The following PCDH15 variants were observed in gnomAD, a reference collection of about 807,000 sequenced individuals.
PCDH15 encodes the protein protocadherin-15.
Under a neutral mutation model 178.5 loss-of-function variants are expected in PCDH15, and 129 were observed. The observed-to-expected ratio is 0.72, with a 90% confidence interval of 0.63 to 0.84. The LOEUF (loss-of-function observed/expected upper bound fraction) is 0.84, where lower values mean the gene tolerates loss of function less well. PCDH15 is among the 40% of genes least tolerant of loss of function. The pLI is 0.00. For missense variants in PCDH15, 2,230 were observed against 2,099.9 expected, an observed-to-expected ratio of 1.06 and a Z score of -1.21; for synonymous variants, 800 against 732.0, an observed-to-expected ratio of 1.09 and a Z score of -1.50.
intron 2 of PCDH15, among the ~76,000 whole-genome samples, chr10:54,922,312 T>C (rs892965934): frequency 6.6e-6 from 1 of 152,126 alleles, no homozygotes; most frequent in African/African-American, 2.4e-5. Flanking sequence ...AAGTTAGCTA[T>C]TTCCAAGTTA....
intron 2 of PCDH15, among the ~76,000 whole-genome samples, chr10:55,332,812 C>A (rs971880299): frequency 6.6e-6 from 1 of 152,168 alleles, no homozygotes; most frequent in African/African-American, 2.4e-5. Flanking sequence ...ACACGCCTTT[C>A]GCCTTCTGCC....
intron 2 of PCDH15, among the ~76,000 whole-genome samples, chr10:55,075,221 A>G (rs1033049974): frequency 1.3e-5 from 2 of 152,026 alleles, no homozygotes. Flanking sequence ...CTCTAGGGTT[A>G]TGAGAATATG....
chr10:55,341,799 ATATATATTTTTTTTTTTTT>A (rs1167480309), intron 2 of PCDH15, among the ~76,000 whole-genome samples: 76 of 11,406 alleles, frequency 6.7e-3, no homozygotes, highest in African/African-American at 0.02. Context: ...ATATATATAT[ATATATATTTTTTTTTTTTT>A]TTTTTTTTTT....
intron 3 of PCDH15, among the ~76,000 whole-genome samples, chr10:54,432,893 C>G (rs976517095): frequency 1.3e-5 from 2 of 151,346 alleles, no homozygotes; most frequent in South Asian, 2.1e-4. Flanking sequence ...AATTGATAAC[C>G]CAGTTAAAAT....
chr10:54,463,709 A>G (rs143746916), intron 3 of PCDH15, among the ~76,000 whole-genome samples: 304 of 152,226 alleles, frequency 2.0e-3, no homozygotes, highest in Non-Finnish European at 3.4e-3. Context: ...TTGACTTTGT[A>G]TTCCCAGAGC....
intron 19 of PCDH15, among the ~76,000 whole-genome samples, chr10:54,022,624 G>A (rs2135315359): frequency 6.6e-6 from 1 of 152,052 alleles, no homozygotes; most frequent in East Asian, 1.9e-4. Context: ...TATTACTTTT[G>A]TAAATTAAAA....
At chr10:54,847,256 C>T (rs1453832733) in intron 3 of PCDH15, among the ~76,000 whole-genome samples, 2 of 152,014 alleles carry the variant, frequency 1.3e-5, no homozygotes, top group Non-Finnish European at 2.9e-5. Flanking sequence ...AAAACAAAAC[C>T]CAAACTTCAC....
intron 15 of PCDH15, among the ~76,000 whole-genome samples, chr10:54,124,030 G>A (rs1564475568): frequency 6.6e-6 from 1 of 152,210 alleles, no homozygotes; most frequent in African/African-American, 2.4e-5. Context: ...AGCGTAGCAA[G>A]GCTGGAAAAA....
At chr10:55,367,891 T>C (rs1043958014) in intron 2 of PCDH15, among the ~76,000 whole-genome samples, 1 of 152,132 alleles carries the variant, frequency 6.6e-6, no homozygotes, top group Admixed American at 6.6e-5. Flanking sequence ...TTAAATTAAT[T>C]TTTTAACACT....
At chr10:55,078,096 T>C (rs974645406) in intron 2 of PCDH15, among the ~76,000 whole-genome samples, 1 of 152,164 alleles carries the variant, frequency 6.6e-6, no homozygotes, top group Non-Finnish European at 1.5e-5. Flanking sequence ...GGAGTTAGTA[T>C]CCTTGGGTAG....
chr10:54,289,702 A>G (rs2059270632), intron 8 of PCDH15, among the ~76,000 whole-genome samples: 1 of 152,228 alleles, frequency 6.6e-6, no homozygotes, highest in Non-Finnish European at 1.5e-5. Flanking sequence ...GAGACCTTAA[A>G]TGAACTGATG....
At chr10:55,235,310 T>A (rs1841346570) in intron 1 of PCDH15, among the ~76,000 whole-genome samples, 1 of 152,064 alleles carries the variant, frequency 6.6e-6, no homozygotes, top group Non-Finnish European at 1.5e-5. Context: ...TGCCTCATAT[T>A]TTCTCCTAGT....
chr10:54,658,835 A>G (rs986401105), intron 2 of PCDH15, among the ~76,000 whole-genome samples: 1 of 152,152 alleles, frequency 6.6e-6, no homozygotes, highest in East Asian at 1.9e-4. Context: ...CACATAAAAG[A>G]TATCATTTTG....
chr10:54,693,450 C>T (rs2095165741), intron 1 of PCDH15, among the ~76,000 whole-genome samples: 1 of 152,070 alleles, frequency 6.6e-6, no homozygotes, highest in Admixed American at 6.6e-5. Flanking sequence ...AAATTGACAA[C>T]ATTTTCTGAG....
intron 2 of PCDH15, among the ~76,000 whole-genome samples, chr10:55,612,086 A>G (rs2132160715): frequency 6.6e-6 from 1 of 152,194 alleles, no homozygotes; most frequent in South Asian, 2.1e-4. Context: ...GATAGGAGAA[A>G]TAAGTCCTAG....
intron 20 of PCDH15, among the ~76,000 whole-genome samples, chr10:54,001,645 GGAAA>G (rs1413962973): frequency 1.3e-5 from 2 of 151,658 alleles, no homozygotes; most frequent in African/African-American, 2.4e-5. Context: ...AAGACAGGAA[GGAAA>G]GAAAGAAAGA....
intron 13 of PCDH15, among the ~76,000 whole-genome samples, chr10:54,162,030 T>G (rs924179523): frequency 5.9e-5 from 9 of 152,250 alleles, no homozygotes; most frequent in Middle Eastern, 3.4e-3. Context: ...GACATGTAAA[T>G]TATACCTTAA....
chr10:54,521,923 A>G (rs1234184317), intron 3 of PCDH15, among the ~76,000 whole-genome samples: 1 of 151,908 alleles, frequency 6.6e-6, no homozygotes, highest in Admixed American at 6.6e-5. Context: ...CCCCATCTCT[A>G]CTAAAGTACA....
chr10:54,791,054 C>T (rs577515816), intron 1 of PCDH15, among the ~76,000 whole-genome samples: 23 of 152,038 alleles, frequency 1.5e-4, no homozygotes, highest in African/African-American at 5.1e-4. Flanking sequence ...TCAATCCTAA[C>T]ACAGCACCTG....
Sources: allele counts gnomAD v4.1 joint callset (sites outside exome capture counted in the v4.1 genomes callset), GRCh38; gene constraint gnomAD v4.1.1; transcripts MANE v1.5; gene names NCBI Gene and HGNC (gene_info 2026-07-23, HGNC 2026-07-21).